HDGFL1: variants seen among roughly 807,000 people sequenced by gnomAD.
HDGFL1 encodes hepatoma-derived growth factor-like protein 1.
For synonymous variants in HDGFL1, 190 were observed against 165.1 expected, an observed-to-expected ratio of 1.15 and a Z score of -1.16; for missense variants, 422 against 365.3, an observed-to-expected ratio of 1.16 and a Z score of -1.27.
Position 22,570,481 on chromosome 6 carries a change from C to T in HDGFL1, c.*150C>T. 1.3e-6 allele frequency: 1 copy of T among 775,344 alleles called. No homozygotes were observed. Among genetic ancestry groups the T allele is most frequent in the Non-Finnish European group, 1.9e-6 (1 of 537,394 alleles). 48.0% of individuals were successfully genotyped at this position (775,344 alleles called of 1,614,324 possible). Reference sequence around the variant, plus strand: ...CCGCGCTCCTTTGCCCTGCCGGGCCCCAGGATGGCAGGCCACCTGACTCTC... The same window carrying T: ...CCGCGCTCCTTTGCCCTGCCGGGCCTCAGGATGGCAGGCCACCTGACTCTC... On this transcript the variant is annotated 3_prime_UTR_variant, in exon 1 of 1. Coordinates refer to ENST00000510882, the MANE Select transcript of HDGFL1 (RefSeq NM_138574.4).
chr6:22,569,999 A>C lies in HDGFL1; in HGVS notation c.424A>C (p.Lys142Gln). The change falls in exon 1 of 1, where the codon AAG (lysine) becomes CAG (glutamine). Residue 142 changes from lysine (K) to glutamine (Q), a missense_variant. Coordinates refer to ENST00000510882, the MANE Select transcript of HDGFL1 (RefSeq NM_138574.4). The part of the protein sequence containing the change: ...PDDDKPTEEE[K>Q]GPLKRSAGDP... ...CGACGACAAGCCCACTGAGGAGGAG[A>C]AGGGGCCGCTGAAGAGGAGCGCGGG... is the stretch of plus-strand genomic sequence containing the variant. The C allele has an allele frequency of 1.3e-6, 2 of 1,548,514 alleles. No individual in the cohort carries two copies. Among genetic ancestry groups the C allele is most frequent in the South Asian group, 2.4e-5 (2 of 84,048 alleles).
chr6:22,570,465 T>G lies in HDGFL1; in HGVS notation c.*134T>G. On this transcript the variant is annotated 3_prime_UTR_variant, in exon 1 of 1. Transcript: ENST00000510882. ...CCCGTCCTCCTCCAACCCGCGCTCC[T>G]TTGCCCTGCCGGGCCCCAGGATGGC... 1 of 961,376 alleles carries G rather than the reference T, an allele frequency of 1.0e-6. No individual in the cohort carries two copies. The highest frequency in any genetic ancestry group is 1.4e-6 in the Non-Finnish European group (1 of 700,974). 59.6% of individuals were successfully genotyped at this position (961,376 alleles called of 1,614,324 possible).
Position 22,570,152 on chromosome 6 carries a change from G to A in HDGFL1, c.577G>A (p.Glu193Lys). 2 of 1,551,704 alleles carry A rather than the reference G, an allele frequency of 1.3e-6. No homozygotes were observed. Among genetic ancestry groups the A allele is most frequent in the Non-Finnish European group, 1.7e-6 (2 of 1,152,750 alleles). ...GGCGGCGGCGGCGACGGCCGTCGAC[G>A]AGGAGAGTCCGTTCCTCGTGGCGGT... Reference protein sequence around the residue: ...AAAAAATAVDEESPFLVAVEN... With the variant: ...AAAAAATAVDKESPFLVAVEN... Residue 193 changes from glutamate (E) to lysine (K), a missense_variant, in exon 1 of 1, where the codon GAG becomes AAG. Transcript: ENST00000510882.
At position 22,570,186 on chromosome 6, in the gene HDGFL1, G is replaced by A; in HGVS notation, c.611G>A (p.Gly204Asp). Residue 204 changes from glycine (G) to aspartate (D), a missense_variant, in exon 1 of 1, where the codon GGC becomes GAC. By Grantham distance (94) the Gly-to-Asp change is moderately conservative. Transcript: ENST00000510882. The part of the protein sequence containing the change: ...ESPFLVAVEN[G>D]SAPSEPGLVC... Reference sequence around the variant, plus strand: ...CCGTTCCTCGTGGCGGTGGAGAACGGCAGCGCCCCTAGCGAGCCGGGCCTG... The same window carrying A: ...CCGTTCCTCGTGGCGGTGGAGAACGACAGCGCCCCTAGCGAGCCGGGCCTG... 1.3e-6 allele frequency: 2 copies of A among 1,562,788 alleles called. No individual in the cohort carries two copies. Among genetic ancestry groups the A allele is most frequent in the Non-Finnish European group, 8.6e-7 (1 of 1,158,568 alleles).
At position 22,570,448 on chromosome 6, in the gene HDGFL1, C is replaced by T. The variant is rs545218871; in HGVS notation, c.*117C>T. ...CCTTTCCCTCTCCTCAGCCCGTCCT[C>T]CTCCAACCCGCGCTCCTTTGCCCTG... On this transcript the variant is annotated 3_prime_UTR_variant, in exon 1 of 1. Coordinates refer to ENST00000510882, the MANE Select transcript of HDGFL1 (RefSeq NM_138574.4). 26 of 1,137,296 alleles carry T rather than the reference C, an allele frequency of 2.3e-5. No individual in the cohort carries two copies. In the South Asian group the frequency reaches 4.9e-4, roughly 22 times the overall value. 70.5% of individuals were successfully genotyped at this position (1,137,296 alleles called of 1,614,324 possible). A position where few individuals can be genotyped will look rare whatever the true frequency, so the allele number is the denominator to read the frequency against.
chr6:22,569,987 A>G lies in HDGFL1; in HGVS notation c.412A>G (p.Thr138Ala), dbSNP rs1280165280. Residue 138 changes from threonine (T) to alanine (A), a missense_variant, in exon 1 of 1, where the codon ACT (threonine) becomes GCT (alanine). Physicochemically the swap from Thr to Ala is moderately conservative, Grantham distance 58 (BLOSUM62 0). Coordinates refer to ENST00000510882, the MANE Select transcript of HDGFL1 (RefSeq NM_138574.4). ...ELGKPDDDKP[T>A]EEEKGPLKRS... ...GGGGAAGCCGGACGACGACAAGCCC[A>G]CTGAGGAGGAGAAGGGGCCGCTGAA... 5.8e-6 allele frequency: 9 copies of G among 1,548,844 alleles called. No homozygotes were observed. The highest frequency in any genetic ancestry group is 1.2e-5 in the South Asian group (1 of 84,064).
Position 22,569,908 on chromosome 6 carries a change from C to T in HDGFL1, c.333C>T (p.Ala111=), listed in dbSNP as rs754087372. 15 of 1,558,690 alleles carry T rather than the reference C, an allele frequency of 9.6e-6. No homozygotes were observed. In the South Asian group the frequency reaches 1.1e-4, roughly 11 times the overall value. Residue 111 remains alanine (A), a synonymous_variant, in exon 1 of 1, where the codon GCC becomes GCT. Transcript: ENST00000510882. ...ACGGGCCTTGGCCGGAGCCCGAGGC[C>T]GCAGAGGGCGACGAGGACAAGCCGA... ...SGDGPWPEPE[A]AEGDEDKPTH...
Position 22,571,614 on chromosome 6 carries a change from C to A in HDGFL1, c.*1283C>A, listed in dbSNP as rs953054260. ...CAGTTTCGGAAGTTTGATCTGAGAACCAACCATAGAATGTTTCAGTTCTAG... is the reference window on the plus strand; with the variant it reads ...CAGTTTCGGAAGTTTGATCTGAGAAACAACCATAGAATGTTTCAGTTCTAG... On this transcript the variant is annotated 3_prime_UTR_variant, in exon 1 of 1. Transcript: ENST00000510882. 6.0e-6 allele frequency: 1 copy of A among 167,076 alleles called. No homozygotes were observed. Among genetic ancestry groups the A allele is most frequent in the Non-Finnish European group, 1.5e-5 (1 of 68,126 alleles). The allele number at this position is 167,076 out of a possible 1,614,324, so 10.3% of individuals were successfully genotyped here. A position where few individuals can be genotyped will look rare whatever the true frequency, so the allele number is the denominator to read the frequency against.
chr6:22,570,214 C>T lies in HDGFL1; in HGVS notation c.639C>T (p.Val213=). 6.4e-7 allele frequency: 1 copy of T among 1,566,532 alleles called. No individual in the cohort carries two copies. The highest frequency in any genetic ancestry group is 8.6e-7 in the Non-Finnish European group (1 of 1,161,444). Residue 213 remains valine (V), a synonymous_variant, in exon 1 of 1, where the codon GTC becomes GTT. Transcript: ENST00000510882. ...GCGCCCCTAGCGAGCCGGGCCTGGTCTGCGAGCCGCCTCAGCCAGAGGAGG... is the reference window on the plus strand; with the variant it reads ...GCGCCCCTAGCGAGCCGGGCCTGGTTTGCGAGCCGCCTCAGCCAGAGGAGG... ...NGSAPSEPGL[V]CEPPQPEEEE... is the part of the protein sequence containing the mutation.
chr6:22,569,583 C>T lies in HDGFL1; in HGVS notation c.8C>T (p.Ala3Val), dbSNP rs759777707. 1.1e-5 allele frequency: 17 copies of T among 1,613,010 alleles called. No homozygotes were observed. Among genetic ancestry groups the T allele is most frequent in the Non-Finnish European group, 1.3e-5 (15 of 1,179,374 alleles). The change falls in exon 1 of 1, where the codon GCC (alanine) becomes GTC (valine). Residue 3 changes from alanine to valine, a missense_variant. Transcript: ENST00000510882. MSAYGMPMYKSGD... is the reference protein window; with the variant it reads MSVYGMPMYKSGD... ...GGGTCCGCAGAACCAGCTATGTCGG[C>T]CTACGGCATGCCCATGTACAAGAGC...
rs190076368 is a variant in HDGFL1, at chr6:22,570,166, C to T, written c.591C>T (p.Phe197=). The T allele has an allele frequency of 1.6e-3, 2,468 of 1,559,114 alleles. 39 individuals carry two copies. The African/African-American group carries it at 0.03, about 19-fold the overall frequency. ...AATAVDEESP[F]LVAVENGSAP... is the part of the protein sequence containing the mutation. ...CGGCCGTCGACGAGGAGAGTCCGTT[C>T]CTCGTGGCGGTGGAGAACGGCAGCG... The change falls in exon 1 of 1, where the codon TTC becomes TTT. Residue 197 remains phenylalanine, a synonymous_variant. Coordinates refer to ENST00000510882, the MANE Select transcript of HDGFL1 (RefSeq NM_138574.4).
rs1311473472 is a variant in HDGFL1 at position 22,571,061 on chromosome 6, A to G, written c.*730A>G. ...GAGATCTGAAAACTTAACTTTGCCCAATATCCTGGTTGGGGACCGTGAGAA... is the reference window on the plus strand; with the variant it reads ...GAGATCTGAAAACTTAACTTTGCCCGATATCCTGGTTGGGGACCGTGAGAA... On this transcript the variant is annotated 3_prime_UTR_variant, in exon 1 of 1. Transcript: ENST00000510882. 2 of 167,012 alleles carry G rather than the reference A, an allele frequency of 1.2e-5. No individual in the cohort carries two copies. The highest frequency in any genetic ancestry group is 2.9e-5 in the Non-Finnish European group (2 of 68,114). 10.3% of individuals were successfully genotyped at this position (167,012 alleles called of 1,614,324 possible).
Position 22,570,122 on chromosome 6 carries a change from G to A in HDGFL1, c.547G>A (p.Ala183Thr). 1 of 1,528,162 alleles carries A rather than the reference G, an allele frequency of 6.5e-7. No individual in the cohort carries two copies. Among genetic ancestry groups the A allele is most frequent in the Non-Finnish European group, 8.8e-7 (1 of 1,139,024 alleles). The allele number at this position is 1,528,162 out of a possible 1,614,324, so 94.7% of individuals were successfully genotyped here. ...GAGGGCGGCGGAAGCGGAGAGGGCG[G>A]CGGCGGCGGCGGCGGCGACGGCCGT... is the stretch of plus-strand genomic sequence containing the variant. The part of the protein sequence containing the change: ...AERAAEAERA[A>T]AAAAATAVDE... Residue 183 changes from alanine to threonine, a missense_variant, in exon 1 of 1, where the codon GCG becomes ACG. Ala to Thr is a moderately conservative substitution (Grantham distance 58). Coordinates refer to ENST00000510882, the MANE Select transcript of HDGFL1 (RefSeq NM_138574.4).
chr6:22,570,609 C>T lies in HDGFL1; in HGVS notation c.*278C>T, dbSNP rs530870023. On this transcript the variant is annotated 3_prime_UTR_variant, in exon 1 of 1. Transcript: ENST00000510882. ...CAGCTTCCGGCTCCCTCTTCTCCCCCCTCTACCCGCCACCCCACCCCACCC... is the reference window on the plus strand; with the variant it reads ...CAGCTTCCGGCTCCCTCTTCTCCCCTCTCTACCCGCCACCCCACCCCACCC... 7.1e-5 allele frequency: 27 copies of T among 381,846 alleles called. No homozygotes were observed. Among genetic ancestry groups the T allele is most frequent in the Middle Eastern group, 1.3e-3 (2 of 1,492 alleles). 23.7% of individuals were successfully genotyped at this position (381,846 alleles called of 1,614,324 possible). A position where few individuals can be genotyped will look rare whatever the true frequency, so the allele number is the denominator to read the frequency against.
Position 22,570,276 on chromosome 6 carries a change from C to A in HDGFL1, c.701C>A (p.Ala234Asp), listed in dbSNP as rs746826616. The stretch of plus-strand genomic sequence containing the variant: ...GAGGAAGAAGTCGCGGACGAGGAGG[C>A]CTCCCAGGAGTGGCATGCCGAGGCA... ...LREEEVADEE[A>D]SQEWHAEAPG... The change falls in exon 1 of 1, where the codon GCC becomes GAC. Residue 234 changes from alanine (A) to aspartate (D), a missense_variant. Physicochemically the swap from Ala to Asp is moderately radical, Grantham distance 126. Transcript: ENST00000510882. 12 of 1,525,784 alleles carry A rather than the reference C, an allele frequency of 7.9e-6. No homozygotes were observed. The East Asian group carries it at 2.8e-4, about 36-fold the overall frequency. 94.5% of individuals were successfully genotyped at this position (1,525,784 alleles called of 1,614,324 possible).
rs921907888 is a variant in HDGFL1 at position 22,570,407 on chromosome 6, G to C, written c.*76G>C. On this transcript the variant is annotated 3_prime_UTR_variant, in exon 1 of 1. Transcript: ENST00000510882. ...CGTTCTTGGGGAATCTGACCACGGC[G>C]TGCAAACTGGGACTGCCTTTCCCTC... The C allele has an allele frequency of 3.7e-6, 5 of 1,359,616 alleles. No homozygotes were observed. Among genetic ancestry groups the C allele is most frequent in the Non-Finnish European group, 4.8e-6 (5 of 1,036,316 alleles). The allele number at this position is 1,359,616 out of a possible 1,614,324, so 84.2% of individuals were successfully genotyped here.
chr6:22,570,249 G>A lies in HDGFL1; in HGVS notation c.674G>A (p.Arg225Gln). Reference protein sequence around the residue: ...EPPQPEEEELREEEVADEEAS... With the variant: ...EPPQPEEEELQEEEVADEEAS... ...CCTCAGCCAGAGGAGGAGGAGCTCC[G>A]GGAGGAAGAAGTCGCGGACGAGGAG... Residue 225 changes from arginine to glutamine, a missense_variant, in exon 1 of 1, where the codon CGG becomes CAG. Transcript: ENST00000510882. 5 of 1,556,124 alleles carry A rather than the reference G, an allele frequency of 3.2e-6. No individual in the cohort carries two copies. Among genetic ancestry groups the A allele is most frequent in the South Asian group, 2.4e-5 (2 of 84,202 alleles).
rs1191189681 is a variant in HDGFL1, at chr6:22,569,808, G to C, written c.233G>C (p.Gly78Ala). ...KPNKRRGFSAGLWEIENNPTV... is the reference protein window; with the variant it reads ...KPNKRRGFSAALWEIENNPTV... ...AACAAGAGGCGCGGCTTCAGCGCGGGGCTGTGGGAAATCGAGAACAACCCC... is the reference window on the plus strand; with the variant it reads ...AACAAGAGGCGCGGCTTCAGCGCGGCGCTGTGGGAAATCGAGAACAACCCC... The change falls in exon 1 of 1, where the codon GGG (glycine) becomes GCG (alanine). Residue 78 changes from glycine to alanine, a missense_variant. By Grantham distance (60) the Gly-to-Ala change is moderately conservative. Transcript: ENST00000510882. 1 of 1,613,658 alleles carries C rather than the reference G, an allele frequency of 6.2e-7. No homozygotes were observed. The highest frequency in any genetic ancestry group is 8.5e-7 in the Non-Finnish European group (1 of 1,179,820).
chr6:22,570,047 A>G lies in HDGFL1; in HGVS notation c.472A>G (p.Lys158Glu), dbSNP rs754151841. 28 of 1,546,012 alleles carry G rather than the reference A, an allele frequency of 1.8e-5. No individual in the cohort carries two copies. The African/African-American group carries it at 3.2e-4, about 17-fold the overall frequency. ...SAGDPPEDAP[K>E]RPKEAAPDQE... ...GGGGGACCCGCCGGAGGACGCCCCC[A>G]AACGACCCAAGGAGGCAGCCCCCGA... Residue 158 changes from lysine (K) to glutamate (E), a missense_variant, in exon 1 of 1, where the codon AAA (lysine) becomes GAA (glutamate). Transcript: ENST00000510882.
Sources: gnomAD v4.1 joint callset for allele counts on GRCh38, gnomAD v4.1.1 for gene constraint, MANE v1.5 for transcripts, NCBI Gene and HGNC (gene_info 2026-07-23, HGNC 2026-07-21) for gene names.